The following CACNA1C variants were observed in gnomAD, a reference collection of about 807,000 sequenced individuals.
CACNA1C encodes calcium voltage-gated channel subunit alpha1 C, also known as voltage-dependent L-type calcium channel subunit alpha-1C.
In CACNA1C, 30 loss-of-function variants were observed where a neutral mutation model predicts 229.0. That is an observed-to-expected ratio of 0.13 (90% CI 0.10 to 0.18). CACNA1C has a LOEUF of 0.18. Ranked by LOEUF, CACNA1C falls within the 10% of genes least tolerant of loss-of-function variation. CACNA1C has a pLI of 1.00. For missense variants in CACNA1C, 1,658 were observed against 2,845.0 expected (o/e 0.58, Z 9.49); for synonymous variants, 1,114 against 1,132.5 (o/e 0.98, Z 0.33).
chr12:2,663,632 G>A (rs566475064), intron 34 of CACNA1C, among the ~76,000 whole-genome samples: 3 of 151,818 alleles, frequency 2.0e-5, no homozygotes, highest in Middle Eastern at 3.4e-3. Context: ...TGGGTGCAGC[G>A]AAATGTCAGA....
rs759290809 is a variant in CACNA1C at position 2,680,334 on chromosome 12, C to CT, written c.5444+539dup. The CT allele has an allele frequency of 2.8e-5, 41 of 1,480,598 alleles. No homozygotes were observed. In the African/African-American group the frequency reaches 5.1e-4, roughly 19 times the overall value. 91.7% of individuals were successfully genotyped at this position (1,480,598 alleles called of 1,614,324 possible). On this transcript the variant is annotated intron_variant, in intron 42 of 46. Transcript: ENST00000399655. ...CCTCTTACTCCTGACTCACTCTTTT[C>CT]TCCTTGTCCTCTCATCCCTGTGCTC...
intron 3 of CACNA1C, among the ~76,000 whole-genome samples, chr12:2,231,254 C>T (rs543435677): frequency 6.6e-6 from 1 of 152,336 alleles, no homozygotes; most frequent in South Asian, 2.1e-4. Context: ...ACCATAGTAT[C>T]TAAGCCAGTG....
At chr12:2,474,846 C>A (rs1444239839) in intron 5 of CACNA1C, among the ~76,000 whole-genome samples, 1 of 151,570 alleles carries the variant, frequency 6.6e-6, no homozygotes, top group Non-Finnish European at 1.5e-5. Context: ...TGATTCAGAT[C>A]AACTGTCCTG....
intron 30 of CACNA1C, 55 bp from the exon 31 acceptor site, chr12:2,648,420 G>A (rs778452661): frequency 9.8e-6 from 15 of 1,535,608 alleles, no homozygotes; most frequent in Middle Eastern, 1.7e-4. Context: ...CTAGAATACC[G>A]GGCATCTTCA....
rs189663438 is a variant in CACNA1C, at chr12:2,128,515, G to A, written c.477+8085G>A. On this transcript the variant is annotated intron_variant, in intron 3 of 46. Coordinates refer to ENST00000399655, the MANE Select transcript of CACNA1C (RefSeq NM_000719.7). ...AAGCTCCACCTCCCGGGTTCACGCCGTTCTCCCGTCTCAGCCTCCCGAGTA... is the reference window on the plus strand; with the variant it reads ...AAGCTCCACCTCCCGGGTTCACGCCATTCTCCCGTCTCAGCCTCCCGAGTA... 2.5e-3 allele frequency among the ~76,000 whole-genome samples: 385 copies of A among 152,072 alleles called. 4 individuals are homozygous for A. Among genetic ancestry groups the A allele is most frequent in the African/African-American group, 8.1e-3 (335 of 41,480 alleles).
At chr12:2,496,824 A>G (rs774790308) in intron 7 of CACNA1C, among the ~76,000 whole-genome samples, 6 of 152,246 alleles carry the variant, frequency 3.9e-5, no homozygotes, top group Non-Finnish European at 7.3e-5. Flanking sequence ...GGATTTGGAA[A>G]TGAAACAAAA....
Position 2,136,556 on chromosome 12 carries a change from G to GTTTAT in CACNA1C, c.477+16127_477+16131dup, listed in dbSNP as rs910156774. Among the ~76,000 whole-genome samples, 6 of 151,254 alleles carry GTTTAT rather than the reference G, an allele frequency of 4.0e-5. 1 individual carries two copies. Among genetic ancestry groups the GTTTAT allele is most frequent in the Non-Finnish European group, 8.9e-5 (6 of 67,620 alleles). On this transcript the variant is annotated intron_variant, in intron 3 of 46. Transcript: ENST00000399655. ...CTTAATTATCAGGCCTTCAACTAGA[G>GTTTAT]TTTATGCAGTGTGTGCGCTTCTGTC...
At chr12:2,593,104 C>G in intron 18 of CACNA1C, 109 bp from the exon 19 acceptor site, 3 of 1,235,468 alleles carry the variant, frequency 2.4e-6, no homozygotes. Flanking sequence ...TTGGTTGGTA[C>G]CCTACATTTT....
At chr12:2,046,505 G>A (rs78761639) in intron 1 of CACNA1C, among the ~76,000 whole-genome samples, 4,363 of 152,214 alleles carry the variant, frequency 0.029, 93 homozygotes, top group Middle Eastern at 0.051. Flanking sequence ...GGCTTGCTGA[G>A]GTAGAGGGCC....
At chr12:2,165,246 T>C (rs1052172324) in intron 3 of CACNA1C, among the ~76,000 whole-genome samples, 66 of 152,194 alleles carry the variant, frequency 4.3e-4, no homozygotes, top group Non-Finnish European at 9.0e-4. Flanking sequence ...TAAACAAAAT[T>C]GTGAAAAAGG....
rs2154550829 is a variant in CACNA1C at position 2,400,382 on chromosome 12, T to C, written c.478-48594T>C. ...GTGGTGCCTACGGGGCAGGGGCTTA[T>C]GTGCCCATAACTGACTCCATCTACC... On this transcript the variant is annotated intron_variant, in intron 3 of 46. Transcript: ENST00000399655. 1.3e-5 allele frequency among the ~76,000 whole-genome samples: 2 copies of C among 152,268 alleles called. 1 individual carries two copies. Among genetic ancestry groups the C allele is most frequent in the East Asian group, 3.9e-4 (2 of 5,170 alleles).
rs1393800746 is a variant in CACNA1C, at chr12:2,181,396, G to A, written c.477+60966G>A. Reference sequence around the variant, plus strand: ...GCAGCACCCAGGCCTTCAGTGTGGGGACAGAGTTAAGATCAACATGATCAC... The same window carrying A: ...GCAGCACCCAGGCCTTCAGTGTGGGAACAGAGTTAAGATCAACATGATCAC... On this transcript the variant is annotated intron_variant, in intron 3 of 46. Coordinates refer to ENST00000399655, the MANE Select transcript of CACNA1C (RefSeq NM_000719.7). The surrounding 1 kb of genome is among the most constrained non-coding windows in gnomAD (Gnocchi z 4.0). Among the ~76,000 whole-genome samples the A allele has an allele frequency of 2.0e-5, 3 of 152,150 alleles. No homozygotes were observed. The highest frequency in any genetic ancestry group is 4.8e-5 in the African/African-American group (2 of 41,446).
chr12:2,046,856 C>T (rs1480235289), intron 1 of CACNA1C, among the ~76,000 whole-genome samples: 2 of 152,218 alleles, frequency 1.3e-5, no homozygotes, highest in African/African-American at 4.8e-5. Flanking sequence ...GATAAACAGA[C>T]AGGAGGAAAG....
chr12:2,533,180 GTTC>G lies in CACNA1C; in HGVS notation c.1391-16760_1391-16758del, dbSNP rs373006730. 2.6e-5 allele frequency among the ~76,000 whole-genome samples: 4 copies of G among 152,284 alleles called. No homozygotes were observed. The East Asian group carries it at 7.7e-4, about 29-fold the overall frequency. On this transcript the variant is annotated intron_variant, in intron 9 of 46. Transcript: ENST00000399655. Reference sequence around the variant, plus strand: ...CAGAGGCAGGCGTTCATCCCCGTCTGTTCTTTTTGCACTTTTGGTTTGGGGTCG... The same window carrying G: ...CAGAGGCAGGCGTTCATCCCCGTCTGTTTTTGCACTTTTGGTTTGGGGTCG...
At position 2,284,175 on chromosome 12, in the gene CACNA1C, G is replaced by A. The variant is rs1265786996; in HGVS notation, c.477+163745G>A. Among the ~76,000 whole-genome samples the A allele has an allele frequency of 5.3e-5, 8 of 152,290 alleles. No homozygotes were observed. The East Asian group carries it at 1.3e-3, about 26-fold the overall frequency. Reference sequence around the variant, plus strand: ...TGCCGGGCTGCATGAGTGAGGGGCCGATGTCTTTCAGATGTTGGGGCTTCA... The same window carrying A: ...TGCCGGGCTGCATGAGTGAGGGGCCAATGTCTTTCAGATGTTGGGGCTTCA... On this transcript the variant is annotated intron_variant, in intron 3 of 46. Transcript: ENST00000399655.
Position 2,452,324 on chromosome 12 carries a change from C to T in CACNA1C, c.617+3209C>T, listed in dbSNP as rs576784241. Among the ~76,000 whole-genome samples the T allele has an allele frequency of 1.6e-3, 242 of 152,230 alleles. 2 individuals are homozygous for T. The highest frequency in any genetic ancestry group is 0.01 in the Middle Eastern group (3 of 294). On this transcript the variant is annotated intron_variant, in intron 4 of 46. Transcript: ENST00000399655. ...AGAGGGACTGTGGCGGCCTCAGATC[C>T]ACGTGCCCCTACCGAGGGACCGTGG... is the stretch of plus-strand genomic sequence containing the variant.
intron 3 of CACNA1C, among the ~76,000 whole-genome samples, chr12:2,321,582 G>T (rs1218882553): frequency 6.6e-6 from 1 of 152,174 alleles, no homozygotes; most frequent in African/African-American, 2.4e-5. Flanking sequence ...AGTGGCATGT[G>T]TGAGCATGTG....
At chr12:2,004,061 T>G in intron 1 of CACNA1C, 1 of 633,352 alleles carries the variant, frequency 1.6e-6, no homozygotes, top group Non-Finnish European at 2.7e-6. Flanking sequence ...ACGTTAGAGA[T>G]TTAAGTCTTT....
At chr12:1,996,644 AAAAAAAAAAAACAAC>A (rs2040926877) in intron 1 of CACNA1C, among the ~76,000 whole-genome samples, 3 of 89,390 alleles carry the variant, frequency 3.4e-5, no homozygotes, top group Non-Finnish European at 6.5e-5. Flanking sequence ...AAAAAAAAAA[AAAAAAAAAAAACAAC>A]AAACTCTTCT....
Sources: gnomAD v4.1 joint callset for allele counts (sites outside exome capture counted in the v4.1 genomes callset) on GRCh38, gnomAD v4.1.1 for gene constraint, Gnocchi (gnomAD v3.1) non-coding constraint, MANE v1.5 for transcripts, NCBI Gene and HGNC (gene_info 2026-07-23, HGNC 2026-07-21) for gene names.